The following SEMA3D variants were observed in gnomAD, a reference collection of about 807,000 sequenced individuals.
The protein encoded by SEMA3D is semaphorin-3D.
A neutral mutation model predicts 100.1 loss-of-function variants in SEMA3D; 84 were observed. The observed-to-expected ratio is 0.84, with a 90% CI of 0.70 to 1.01. SEMA3D has a LOEUF of 1.01. Ranked by LOEUF, SEMA3D falls within the 50% of genes least tolerant of loss-of-function variation. SEMA3D has a pLI of 0.00. For synonymous variants in SEMA3D, 312 were observed against 320.7 expected (o/e 0.97, Z 0.29); for missense variants, 875 against 934.1 (o/e 0.94, Z 0.82).
chr7:85,128,864 G>GAT (rs899669302), intron 2 of SEMA3D, among the ~76,000 whole-genome samples: 5 of 142,398 alleles, frequency 3.5e-5, no homozygotes, highest in Non-Finnish European at 6.1e-5. Flanking sequence ...ATATTTTTAT[G>GAT]ATATATATAT....
chr7:85,036,940 G>C lies in SEMA3D; in HGVS notation c.1140C>G (p.Asp380Glu), dbSNP rs760927572. 3.7e-6 allele frequency: 6 copies of C among 1,613,332 alleles called. No individual in the cohort carries two copies. Among genetic ancestry groups the C allele is most frequent in the Non-Finnish European group, 5.1e-6 (6 of 1,179,506 alleles). The change falls in exon 12 of 19, where the codon GAC becomes GAG. Residue 380 changes from aspartate to glutamate, a missense_variant. Physicochemically the swap from Asp to Glu is conservative, Grantham distance 45. Transcript: ENST00000284136. ...NGPYAHKESADHRWVQYDGRI... is the reference protein window; with the variant it reads ...NGPYAHKESAEHRWVQYDGRI... ...TCCCATCATACTGCACCCAACGATGGTCTGCACTTTCCTTATGAGCATATG... is the reference window on the plus strand; with the variant it reads ...TCCCATCATACTGCACCCAACGATGCTCTGCACTTTCCTTATGAGCATATG...
intron 1 of SEMA3D, among the ~76,000 whole-genome samples, chr7:85,165,077 T>A (rs1583982657): frequency 6.6e-6 from 1 of 150,652 alleles, no homozygotes; most frequent in African/African-American, 2.4e-5. Flanking sequence ...TTCCCACCTA[T>A]GAGTGAGAAC....
chr7:85,186,863 C>T lies in SEMA3D; in HGVS notation c.-358G>A, dbSNP rs11977741. 0.47 allele frequency: 70,945 copies of T among 151,856 alleles called. 17,887 individuals carry two copies. Among genetic ancestry groups the T allele is most frequent in the East Asian group, 0.72 (3,643 of 5,054 alleles). The allele number at this position is 151,856 out of a possible 1,614,324, so 9.4% of individuals were successfully genotyped here. On this transcript the variant is annotated 5_prime_UTR_variant, in exon 1 of 19. Coordinates refer to ENST00000284136, the MANE Select transcript of SEMA3D (RefSeq NM_001384900.1). Reference sequence around the variant, plus strand: ...TGGCAGAGCCGGGAAGCTGCGGCCGCAGGGGCCAGGCCGGGAGGCAGGGGG... The same window carrying T: ...TGGCAGAGCCGGGAAGCTGCGGCCGTAGGGGCCAGGCCGGGAGGCAGGGGG...
At chr7:85,204,653 G>A in the SEMA3D span, among the ~76,000 whole-genome samples, 4 of 152,082 alleles carry the variant, frequency 2.6e-5, no homozygotes, top group African/African-American at 9.7e-5. Flanking sequence ...TTCTTGCACA[G>A]TGGTCAAGCT....
At chr7:85,185,182 C>A (rs1197672826) in intron 1 of SEMA3D, among the ~76,000 whole-genome samples, 2 of 152,094 alleles carry the variant, frequency 1.3e-5, no homozygotes, top group African/African-American at 2.4e-5. Flanking sequence ...TTTCTTTCCA[C>A]GTGCAGAACT....
chr7:85,179,421 G>A (rs950381867), intron 1 of SEMA3D, among the ~76,000 whole-genome samples: 2 of 152,184 alleles, frequency 1.3e-5, no homozygotes, highest in African/African-American at 4.8e-5. Flanking sequence ...ACCTGGATAT[G>A]AGACATGGAG....
intron 2 of SEMA3D, chr7:85,142,589 GGAA>G (rs1790086178): frequency 1.5e-5 from 15 of 984,192 alleles, no homozygotes; most frequent in Non-Finnish European, 1.7e-5. Context: ...ACAAGTTTTA[GGAA>G]GAAGAATAAA....
intron 12 of SEMA3D, among the ~76,000 whole-genome samples, chr7:85,026,833 G>C (rs1394663008): frequency 6.6e-6 from 1 of 151,956 alleles, no homozygotes. Context: ...AAGTAAAATA[G>C]TTTAGGTGGG....
the SEMA3D span, among the ~76,000 whole-genome samples, chr7:85,244,890 T>A: frequency 1.3e-5 from 2 of 151,978 alleles, no homozygotes; most frequent in Non-Finnish European, 2.9e-5. Flanking sequence ...TTTTTGTATT[T>A]TAGTGGAGAC....
intron 8 of SEMA3D, among the ~76,000 whole-genome samples, chr7:85,059,823 A>C (rs1791423804): frequency 6.6e-6 from 1 of 152,200 alleles, no homozygotes; most frequent in Non-Finnish European, 1.5e-5. Flanking sequence ...TAATGATAAA[A>C]GAAGTGTAAA....
chr7:85,117,270 G>A (rs974268565), intron 3 of SEMA3D, among the ~76,000 whole-genome samples: 1 of 152,120 alleles, frequency 6.6e-6, no homozygotes, highest in Non-Finnish European at 1.5e-5. Flanking sequence ...AACTGCAGCT[G>A]TCGTCTGATT....
At chr7:85,244,708 CTT>C in the SEMA3D span, among the ~76,000 whole-genome samples, 3,919 of 121,738 alleles carry the variant, frequency 0.032, 50 homozygotes, top group African/African-American at 0.077. Context: ...ACTGCACAAT[CTT>C]TTTTTTTTTT....
At chr7:85,102,195 C>T (rs1788768076) in intron 3 of SEMA3D, among the ~76,000 whole-genome samples, 1 of 151,964 alleles carries the variant, frequency 6.6e-6, no homozygotes, top group South Asian at 2.1e-4. Context: ...TATTTGAGCA[C>T]AGCCTTGAAA....
rs1313548426 is a variant in SEMA3D, at chr7:84,998,384, T to C, written c.*1056A>G. 6.6e-6 allele frequency: 1 copy of C among 152,190 alleles called. No homozygotes were observed. The highest frequency in any genetic ancestry group is 1.5e-5 in the Non-Finnish European group (1 of 68,006). The allele number at this position is 152,190 out of a possible 1,614,324, so 9.4% of individuals were successfully genotyped here. On this transcript the variant is annotated 3_prime_UTR_variant, in exon 19 of 19. Coordinates refer to ENST00000284136, the MANE Select transcript of SEMA3D (RefSeq NM_001384900.1). ...ATAAATAAAATGTCTACTCTTCCTA[T>C]GATTCTTCAGAAGAATTTATGTTTC...
the SEMA3D span, among the ~76,000 whole-genome samples, chr7:85,250,147 G>T: frequency 6.6e-6 from 1 of 152,070 alleles, no homozygotes; most frequent in Non-Finnish European, 1.5e-5. Flanking sequence ...CCCGAATACT[G>T]CGCTTTTCCG....
intron 4 of SEMA3D, among the ~76,000 whole-genome samples, chr7:85,096,847 A>G (rs1788570731): frequency 6.6e-6 from 1 of 151,876 alleles, no homozygotes; most frequent in Admixed American, 6.6e-5. Flanking sequence ...TACTGTATGT[A>G]GCTTCAAAGT....
At chr7:85,248,575 G>C in the SEMA3D span, among the ~76,000 whole-genome samples, 1 of 152,028 alleles carries the variant, frequency 6.6e-6, no homozygotes, top group South Asian at 2.1e-4. Flanking sequence ...AAGCAACCAA[G>C]GTGTCCTTTA....
At chr7:85,086,790 A>G (rs1353221646) in intron 4 of SEMA3D, among the ~76,000 whole-genome samples, 1 of 152,054 alleles carries the variant, frequency 6.6e-6, no homozygotes, top group Non-Finnish European at 1.5e-5. Context: ...TGTTTCACAT[A>G]CAGGCTGAAG....
In SEMA3D at chr7:85,006,684, C is replaced by T. The variant is rs1016625914; in HGVS notation, c.1908+118G>A. On this transcript the variant is annotated intron_variant, in intron 18 of 18. Coordinates refer to ENST00000284136, the MANE Select transcript of SEMA3D (RefSeq NM_001384900.1). ...TTACCTTTGGTGTTAGTGAGTAAAA[C>T]CTGTTATTTTTTTTAATCAAATAAT... The T allele has an allele frequency of 8.7e-6, 7 of 803,012 alleles. No individual in the cohort carries two copies. In the African/African-American group the frequency reaches 1.2e-4, roughly 14 times the overall value. 49.7% of individuals were successfully genotyped at this position (803,012 alleles called of 1,614,324 possible).
Sources: gnomAD v4.1 joint callset for allele counts (sites outside exome capture counted in the v4.1 genomes callset) on GRCh38, gnomAD v4.1.1 for gene constraint, MANE v1.5 for transcripts, NCBI Gene and HGNC (gene_info 2026-07-23, HGNC 2026-07-21) for gene names.